CREB5: variants seen among roughly 807,000 people sequenced by gnomAD.
CREB5 encodes the protein cAMP responsive element binding protein 5.
CREB5 carries 19 observed loss-of-function variants against 57.1 expected under a neutral mutation model. That is an observed-to-expected ratio of 0.33 (90% CI 0.23 to 0.49). The LOEUF (loss-of-function observed/expected upper bound fraction) is 0.49, where lower values mean the gene tolerates loss of function less well. CREB5 is among the 20% of genes least tolerant of loss of function. The pLI is 0.99. For synonymous variants in CREB5, 238 were observed against 238.3 expected, an observed-to-expected ratio of 1.00 and a Z score of 0.01; for missense variants, 579 against 671.6, an observed-to-expected ratio of 0.86 and a Z score of 1.52.
At chr7:28,699,410 T>C (rs781523523) in intron 5 of CREB5, among the ~76,000 whole-genome samples, 16 of 152,230 alleles carry the variant, frequency 1.1e-4, no homozygotes, top group Non-Finnish European at 2.1e-4. Flanking sequence ...AATCTATTTA[T>C]TATCTTGTTA....
At chr7:28,403,971 G>A (rs1787528128) in intron 1 of CREB5, among the ~76,000 whole-genome samples, 1 of 152,096 alleles carries the variant, frequency 6.6e-6, no homozygotes, top group Admixed American at 6.5e-5. Flanking sequence ...AGTTTTAAAT[G>A]TAAATATAAG....
chr7:28,518,276 G>A (rs1793061419), intron 4 of CREB5, among the ~76,000 whole-genome samples: 1 of 152,152 alleles, frequency 6.6e-6, no homozygotes, highest in African/African-American at 2.4e-5. Flanking sequence ...TTATGTTTGG[G>A]TGGGGGTTTA....
At position 28,342,833 on chromosome 7, in the gene CREB5, C is replaced by A. The variant is rs183226830; in HGVS notation, c.-25+43392C>A. On this transcript the variant is annotated intron_variant, in intron 1 of 9. Coordinates refer to the CREB5 transcript ENST00000396299. ...CAATGTGATGTTTTGATAATGTATA[C>A]ATTGTGTAATGATCAAATCAGGGTA... 3.7e-3 allele frequency among the ~76,000 whole-genome samples: 557 copies of A among 152,308 alleles called. 17 individuals carry two copies. The highest frequency in any genetic ancestry group is 0.034 in the Admixed American group (515 of 15,300).
Position 28,333,061 on chromosome 7 carries a change from GA to G in CREB5, c.-25+33621del, listed in dbSNP as rs1391360402. Among the ~76,000 whole-genome samples the G allele has an allele frequency of 1.8e-4, 28 of 152,218 alleles. 1 individual carries two copies. In the South Asian group the frequency reaches 2.5e-3, roughly 14 times the overall value. ...TGATAGCAGACTGCTATTGTCTTTT[GA>G]CTCTGTAATTAACTAAAACCCCTAC... On this transcript the variant is annotated intron_variant, in intron 1 of 9. Coordinates refer to the CREB5 transcript ENST00000396299.
chr7:28,427,559 T>A (rs1788557439), intron 1 of CREB5, among the ~76,000 whole-genome samples: 1 of 152,058 alleles, frequency 6.6e-6, no homozygotes, highest in South Asian at 2.1e-4. Context: ...TGAGTTTGTT[T>A]TGGATACGCT....
intron 5 of CREB5, among the ~76,000 whole-genome samples, chr7:28,708,512 T>G (rs1802240369): frequency 1.3e-5 from 2 of 152,042 alleles, no homozygotes; most frequent in African/African-American, 4.8e-5. Context: ...AAAGGTGAAA[T>G]AAGAGCATGA....
At chr7:28,352,923 C>T (rs1262374545) in intron 1 of CREB5, among the ~76,000 whole-genome samples, 1 of 152,192 alleles carries the variant, frequency 6.6e-6, no homozygotes, top group Non-Finnish European at 1.5e-5. Flanking sequence ...TACACGTGTT[C>T]TCATCCACTG....
chr7:28,640,059 GA>G, intron 5 of CREB5, among the ~76,000 whole-genome samples: 1 of 152,254 alleles, frequency 6.6e-6, no homozygotes, highest in Admixed American at 6.5e-5. Flanking sequence ...GAATTTGGTT[GA>G]AACTGTTAAC....
At chr7:28,580,932 G>A (rs1422805132) in intron 5 of CREB5, among the ~76,000 whole-genome samples, 1 of 152,170 alleles carries the variant, frequency 6.6e-6, no homozygotes. Flanking sequence ...CAGCATGAAT[G>A]AGTGCTGGTA....
intron 1 of CREB5, among the ~76,000 whole-genome samples, chr7:28,475,191 A>G (rs1200534302): frequency 1.4e-5 from 2 of 145,438 alleles, no homozygotes; most frequent in Non-Finnish European, 3.0e-5. Flanking sequence ...ATCATTGATT[A>G]TATTATGACT....
intron 1 of CREB5, among the ~76,000 whole-genome samples, chr7:28,387,527 T>G (rs1787133195): frequency 1.3e-5 from 2 of 152,210 alleles, no homozygotes; most frequent in African/African-American, 2.4e-5. Context: ...TTCTGTAGGT[T>G]GTCTGTTCGT....
intron 7 of CREB5, among the ~76,000 whole-genome samples, chr7:28,786,247 A>G (rs1183663872): frequency 6.6e-6 from 1 of 152,024 alleles, no homozygotes; most frequent in East Asian, 1.9e-4. Flanking sequence ...TTACCTAGAT[A>G]CTTTATTTAT....
At chr7:28,751,592 T>C (rs1804976685) in intron 7 of CREB5, among the ~76,000 whole-genome samples, 1 of 152,238 alleles carries the variant, frequency 6.6e-6, no homozygotes, top group Non-Finnish European at 1.5e-5. Flanking sequence ...TTACTAATGT[T>C]GTCATTGTTT....
At chr7:28,365,928 A>G (rs1786577465) in intron 1 of CREB5, among the ~76,000 whole-genome samples, 1 of 152,180 alleles carries the variant, frequency 6.6e-6, no homozygotes, top group African/African-American at 2.4e-5. Context: ...CATAAGTTTA[A>G]ATAGTTGCTA....
intron 5 of CREB5, among the ~76,000 whole-genome samples, chr7:28,707,426 A>C (rs566006191): frequency 2.6e-5 from 4 of 152,322 alleles, no homozygotes; most frequent in African/African-American, 9.6e-5. Context: ...TGCTAAGATC[A>C]CACACTCCTG....
chr7:28,309,827 C>G (rs1038411066), intron 1 of CREB5, among the ~76,000 whole-genome samples: 4 of 152,202 alleles, frequency 2.6e-5, no homozygotes, highest in African/African-American at 7.2e-5. Context: ...TTCTGGCTTC[C>G]TCCTTCTCTG....
At chr7:28,573,617 C>T (rs1266224899) in intron 5 of CREB5, among the ~76,000 whole-genome samples, 1 of 152,208 alleles carries the variant, frequency 6.6e-6, no homozygotes, top group Non-Finnish European at 1.5e-5. Flanking sequence ...GCAGGCAACC[C>T]CAAGTTTTCG....
chr7:28,742,504 T>G (rs564318324), intron 7 of CREB5, among the ~76,000 whole-genome samples: 7 of 151,856 alleles, frequency 4.6e-5, no homozygotes, highest in Admixed American at 1.3e-4. Context: ...AGGCGGAGCT[T>G]GCAGTGAGCC....
intron 1 of CREB5, among the ~76,000 whole-genome samples, chr7:28,379,269 G>C (rs1359882599): frequency 6.6e-6 from 1 of 152,182 alleles, no homozygotes; most frequent in Non-Finnish European, 1.5e-5. Flanking sequence ...GATAACAGGG[G>C]CCTGGATACA....
Sources: allele counts gnomAD v4.1 joint callset (sites outside exome capture counted in the v4.1 genomes callset), GRCh38; gene constraint gnomAD v4.1.1; transcripts MANE v1.5; gene names NCBI Gene and HGNC (gene_info 2026-07-23, HGNC 2026-07-21).